Variants in FBP2 observed in about 807,000 individuals in gnomAD.
FBP2 encodes the protein fructose-bisphosphatase 2.
In FBP2, 27 loss-of-function variants were observed where a neutral mutation model predicts 31.6. The ratio of observed to expected loss-of-function variants is 0.85; its 90% CI spans 0.63 to 1.18. FBP2 has a LOEUF of 1.18. Ranked by LOEUF, FBP2 falls within the 50% of genes most tolerant of loss-of-function variation. The pLI, the probability that FBP2 is intolerant of heterozygous loss-of-function variation, is 0.00. For synonymous variants in FBP2, 168 were observed against 179.8 expected (o/e 0.93, Z 0.53); for missense variants, 421 against 436.1 (o/e 0.97, Z 0.31).
In FBP2 at chr9:94,571,500, A is replaced by G. The variant is rs751298618; in HGVS notation, c.529T>C (p.Ser177Pro). Reference sequence around the variant, plus strand: ...AAGAGGTCCACGCCTTGCCCTGTGGAGAGAGCCACCAGGGTTGCACTACCG... The same window carrying G: ...AAGAGGTCCACGCCTTGCCCTGTGGGGAGAGCCACCAGGGTTGCACTACCG... Reference protein sequence around the residue: ...LYGSATLVALSTGQGVDLFML... With the variant: ...LYGSATLVALPTGQGVDLFML... The change falls in exon 4 of 7, where the codon TCC (serine) becomes CCC (proline). Residue 177 changes from serine (S) to proline (P), a missense_variant. Coordinates refer to ENST00000375337, the MANE Select transcript of FBP2 (RefSeq NM_003837.4). The G allele has an allele frequency of 6.2e-7, 1 of 1,613,892 alleles. No individual in the cohort carries two copies. Among genetic ancestry groups the G allele is most frequent in the South Asian group, 1.1e-5 (1 of 91,030 alleles).
At chr9:94,582,850 CTTTTTTTTTTT>C (rs1174064928) in intron 3 of FBP2, among the ~76,000 whole-genome samples, 1 of 107,552 alleles carries the variant, frequency 9.3e-6, no homozygotes, top group Non-Finnish European at 1.8e-5. Context: ...TCCCAGCCCC[CTTTTTTTTTTT>C]TTTTTTTTTT....
chr9:94,565,657 G>T lies in FBP2; in HGVS notation c.705+1613C>A, dbSNP rs1827175436. On this transcript the variant is annotated intron_variant, in intron 5 of 6. Transcript: ENST00000375337. ...GAAGGACTTGACATAACAGAGACAG[G>T]TGTTTCTACTCTAACTTACCTTTGC... Among the ~76,000 whole-genome samples, 4 of 149,254 alleles carry T rather than the reference G, an allele frequency of 2.7e-5. No individual in the cohort carries two copies. The Admixed American group carries it at 2.7e-4, about 10-fold the overall frequency.
intron 1 of FBP2, among the ~76,000 whole-genome samples, chr9:94,589,954 A>ACC: frequency 6.6e-6 from 1 of 152,240 alleles, no homozygotes; most frequent in South Asian, 2.1e-4. Context: ...ATGGAATCTG[A>ACC]ATGCGCTTGC....
chr9:94,586,037 AAAG>A (rs1376297531), intron 2 of FBP2, among the ~76,000 whole-genome samples: 3 of 152,078 alleles, frequency 2.0e-5, no homozygotes, highest in East Asian at 1.9e-4. Context: ...CCCATCCTAG[AAAG>A]AAGAATTTTC....
intron 5 of FBP2, among the ~76,000 whole-genome samples, chr9:94,565,387 G>GAC (rs1827171485): frequency 2.4e-5 from 2 of 82,936 alleles, no homozygotes; most frequent in Admixed American, 2.6e-4. Flanking sequence ...AAAAAAAAAA[G>GAC]ATGTTCCCAG....
Position 94,593,581 on chromosome 9 carries a change from A to G in FBP2, c.146T>C (p.Val49Ala). ...LTAIKAISSA[V>A]RKAGLAHLYG... ...CAGGTGGGCCAGACCGGCCTTGCGC[A>G]CAGCCGAGGAGATGGCTTTGATGGC... Residue 49 changes from valine (V) to alanine (A), a missense_variant, in exon 1 of 7, where the codon GTG (valine) becomes GCG (alanine). Transcript: ENST00000375337. 1 of 1,613,896 alleles carries G rather than the reference A, an allele frequency of 6.2e-7. No individual in the cohort carries two copies. The highest frequency in any genetic ancestry group is 1.7e-4 in the Middle Eastern group (1 of 5,978).
In FBP2 at chr9:94,571,488, C is replaced by T. The variant is rs200244771; in HGVS notation, c.541G>A (p.Gly181Ser). 140 of 1,613,492 alleles carry T rather than the reference C, an allele frequency of 8.7e-5. No homozygotes were observed. The highest frequency in any genetic ancestry group is 1.1e-4 in the Non-Finnish European group (126 of 1,179,818). The change falls in exon 4 of 7, where the codon GGC becomes AGC. Residue 181 changes from glycine to serine, a missense_variant. Gly to Ser is a moderately conservative substitution (Grantham distance 56, BLOSUM62 0). Coordinates refer to ENST00000375337, the MANE Select transcript of FBP2 (RefSeq NM_003837.4). ...ATLVALSTGQ[G>S]VDLFMLDPAL... ...GGGTCAAGCATGAAGAGGTCCACGC[C>T]TTGCCCTGTGGAGAGAGCCACCAGG... is the stretch of plus-strand genomic sequence containing the variant.
chr9:94,571,621 A>G lies in FBP2; in HGVS notation c.427-19T>C. 2 of 1,603,492 alleles carry G rather than the reference A, an allele frequency of 1.2e-6. No homozygotes were observed. Among genetic ancestry groups the G allele is most frequent in the Non-Finnish European group, 8.5e-7 (1 of 1,173,898 alleles). On this transcript the variant is annotated intron_variant, in intron 3 of 6. Transcript: ENST00000375337. ...CTGAGGTCTGTGGAAGAGAGGGATA[A>G]ATGCCATGTGTTATTGTTGTCTCTG...
At chr9:94,563,297 C>T (rs762626020) in intron 6 of FBP2, 45 bp downstream of exon 6, 6 of 1,597,968 alleles carry the variant, frequency 3.8e-6, no homozygotes, top group South Asian at 2.2e-5. Context: ...GGAGCTCCCC[C>T]ACCTCCCTGA....
intron 1 of FBP2, among the ~76,000 whole-genome samples, chr9:94,590,575 C>T (rs1457640508): frequency 3.9e-5 from 6 of 152,142 alleles, no homozygotes; most frequent in Non-Finnish European, 8.8e-5. Context: ...TTGTTCGTTC[C>T]TCCCAGTGGG....
chr9:94,560,260 G>A (rs1827077091), intron 6 of FBP2, among the ~76,000 whole-genome samples: 1 of 152,234 alleles, frequency 6.6e-6, no homozygotes, highest in East Asian at 1.9e-4. Flanking sequence ...CTGTTCAGAG[G>A]AAGGAAGGCC....
intron 4 of FBP2, chr9:94,569,440 A>T (rs747358735): frequency 6.6e-6 from 1 of 152,198 alleles, no homozygotes; most frequent in Non-Finnish European, 1.5e-5. Flanking sequence ...GAGATGCACA[A>T]CTGTCATCTG....
At chr9:94,571,412 A>G in intron 4 of FBP2, 50 bp downstream of exon 4, 1 of 1,518,220 alleles carries the variant, frequency 6.6e-7, no homozygotes, top group Non-Finnish European at 8.9e-7. Flanking sequence ...ATTAAGGCAC[A>G]GAGGCCCATG....
At chr9:94,568,251 C>T (rs183153459) in intron 4 of FBP2, 99 of 152,312 alleles carry the variant, frequency 6.5e-4, no homozygotes, top group African/African-American at 1.8e-3. Context: ...TCATCAGACA[C>T]TGTGTTCACC....
Position 94,593,607 on chromosome 9 carries a change from C to A in FBP2, c.120G>T (p.Thr40=), listed in dbSNP as rs757142905. 2.7e-5 allele frequency: 43 copies of A among 1,614,060 alleles called. No homozygotes were observed. Among genetic ancestry groups the A allele is most frequent in the Non-Finnish European group, 3.6e-5 (42 of 1,180,038 alleles). ...ELTQLLNSML[T]AIKAISSAVR... is the part of the protein sequence containing the mutation. ...CAGCCGAGGAGATGGCTTTGATGGC[C>A]GTCAGCATTGAGTTCAGCAGCTGGG... The change falls in exon 1 of 7, where the codon ACG becomes ACT. Residue 40 remains threonine, a synonymous_variant. Transcript: ENST00000375337.
rs114437919 is a variant in FBP2 at position 94,562,819 on chromosome 9, A to G, written c.825+523T>C. ...GACCTTCCAGGAACTACCTTTCCAG[A>G]TATATTGGCTGAGTTCTGAGTAGAA... On this transcript the variant is annotated intron_variant, in intron 6 of 6. Coordinates refer to ENST00000375337, the MANE Select transcript of FBP2 (RefSeq NM_003837.4). Among the ~76,000 whole-genome samples, 360 of 152,260 alleles carry G rather than the reference A, an allele frequency of 2.4e-3. 1 individual carries two copies. The highest frequency in any genetic ancestry group is 8.2e-3 in the African/African-American group (342 of 41,528).
intron 4 of FBP2, chr9:94,570,442 T>C (rs1827255830): frequency 2.0e-5 from 3 of 152,204 alleles, no homozygotes; most frequent in South Asian, 2.1e-4. Context: ...ACATATCTCA[T>C]AGGGCCACTG....
chr9:94,586,131 T>G (rs1827424736), intron 2 of FBP2, among the ~76,000 whole-genome samples: 1 of 152,134 alleles, frequency 6.6e-6, no homozygotes, highest in Non-Finnish European at 1.5e-5. Flanking sequence ...ATCCCAGCAC[T>G]TTGGGAGCCT....
chr9:94,560,162 C>T (rs1263035123), intron 6 of FBP2, among the ~76,000 whole-genome samples: 2 of 152,170 alleles, frequency 1.3e-5, no homozygotes, highest in South Asian at 4.1e-4. Flanking sequence ...CCACTGTTTC[C>T]TGCACGAGGG....
Sources: allele counts gnomAD v4.1 joint callset (sites outside exome capture counted in the v4.1 genomes callset), GRCh38; gene constraint gnomAD v4.1.1; transcripts MANE v1.5; gene names NCBI Gene and HGNC (gene_info 2026-07-23, HGNC 2026-07-21).